Variants in ANXA7 observed in about 807,000 individuals in gnomAD.
ANXA7 encodes annexin VII.
ANXA7 carries 55 observed loss-of-function variants against 64.9 expected under a neutral mutation model. The observed-to-expected ratio is 0.85, with a 90% CI of 0.68 to 1.06. ANXA7 has a LOEUF of 1.06. Among genes scored for constraint, ANXA7 ranks in the 50% least tolerant of loss-of-function variants. The pLI is 0.00. For synonymous variants in ANXA7, 200 were observed against 192.4 expected (o/e 1.04, Z -0.33); for missense variants, 548 against 582.1 (o/e 0.94, Z 0.60).
chr10:73,378,413 T>C (rs2132649210), intron 12 of ANXA7, among the ~76,000 whole-genome samples: 1 of 151,096 alleles, frequency 6.6e-6, no homozygotes, highest in Non-Finnish European at 1.5e-5. Context: ...TCAAATGTCA[T>C]TTCTTCTGAG....
Position 73,402,826 on chromosome 10 carries a change from TTTC to T in ANXA7, c.-1-1972_-1-1970del, listed in dbSNP as rs2055689043. On this transcript the variant is annotated intron_variant, in intron 1 of 12. Coordinates refer to ENST00000372921, the MANE Select transcript of ANXA7 (RefSeq NM_001156.5). ...ATTCCATTCTTACATAAAAACTCTG[TTTC>T]TTTTTTTTTTTTTGAGTCGGAGTCT... 2.1e-5 allele frequency among the ~76,000 whole-genome samples: 3 copies of T among 146,282 alleles called. No homozygotes were observed. The South Asian group carries it at 6.6e-4, about 32-fold the overall frequency.
At chr10:73,378,149 T>C (rs1212995607) in intron 12 of ANXA7, among the ~76,000 whole-genome samples, 2 of 151,380 alleles carry the variant, frequency 1.3e-5, no homozygotes, top group Admixed American at 6.6e-5. Context: ...CCGAGGCAGG[T>C]GGATCACTTG....
chr10:73,395,253 A>T (rs2132678505), intron 5 of ANXA7, among the ~76,000 whole-genome samples: 1 of 152,192 alleles, frequency 6.6e-6, no homozygotes, highest in East Asian at 1.9e-4. Flanking sequence ...ACCTCAAATC[A>T]GGAAAGTGAG....
At chr10:73,384,127 A>AT (rs2055324303) in intron 7 of ANXA7, among the ~76,000 whole-genome samples, 6 of 152,078 alleles carry the variant, frequency 3.9e-5, no homozygotes, top group African/African-American at 1.4e-4. Flanking sequence ...TCTCAAAAAA[A>AT]AAAATAAATA....
intron 2 of ANXA7, 52 bp from the exon 3 acceptor site, chr10:73,398,437 C>T: frequency 6.7e-7 from 1 of 1,493,602 alleles, no homozygotes; most frequent in Non-Finnish European, 9.2e-7. Context: ...GAAATATGAC[C>T]CATCTAAAAA....
chr10:73,381,033 CTGAGTA>C (rs1174927993), intron 9 of ANXA7, among the ~76,000 whole-genome samples: 3 of 151,842 alleles, frequency 2.0e-5, no homozygotes, highest in Admixed American at 2.0e-4. Context: ...TTTTCTTCAT[CTGAGTA>C]TAATATTTTT....
intron 12 of ANXA7, among the ~76,000 whole-genome samples, chr10:73,378,237 G>A (rs1373237823): frequency 6.6e-6 from 1 of 151,804 alleles, no homozygotes. Context: ...ACTTAGCTGG[G>A]CATGGTGGCG....
intron 5 of ANXA7, among the ~76,000 whole-genome samples, chr10:73,391,828 G>T (rs1332939153): frequency 1.3e-5 from 2 of 152,018 alleles, no homozygotes; most frequent in East Asian, 1.9e-4. Flanking sequence ...CCCCTCACAG[G>T]GTAGCCTATT....
chr10:73,378,892 A>T lies in ANXA7; in HGVS notation c.1278+19T>A, dbSNP rs2055228549. ...GAACATCAAGTAAGACCCGACAAAA[A>T]GAGAGAGGCCTGCCTCACCTCACTT... On this transcript the variant is annotated intron_variant, in intron 12 of 12. Transcript: ENST00000372921. 2 of 1,580,820 alleles carry T rather than the reference A, an allele frequency of 1.3e-6. No individual in the cohort carries two copies. Among genetic ancestry groups the T allele is most frequent in the African/African-American group, 2.7e-5 (2 of 74,170 alleles).
intron 1 of ANXA7, among the ~76,000 whole-genome samples, chr10:73,407,311 A>G (rs2055772939): frequency 6.6e-6 from 1 of 152,126 alleles, no homozygotes; most frequent in Non-Finnish European, 1.5e-5. Context: ...TCCTGACCCC[A>G]AGTGATCTGC....
rs528856524 is a variant in ANXA7 at position 73,394,023 on chromosome 10, AAAC to A, written c.435+2493_435+2495del. Among the ~76,000 whole-genome samples the A allele has an allele frequency of 9.8e-4, 150 of 152,340 alleles. 3 individuals are homozygous for A. The South Asian group carries it at 0.03, about 30-fold the overall frequency. On this transcript the variant is annotated intron_variant, in intron 5 of 12. Transcript: ENST00000372921. ...TAAACAAATTTACAAGAAAAAAATC[AAAC>A]AACCCCATCAAAAAGTGGGCAAAGG...
chr10:73,378,742 C>T (rs2055226111), intron 12 of ANXA7, among the ~76,000 whole-genome samples, 169 bp downstream of exon 12: 1 of 152,072 alleles, frequency 6.6e-6, no homozygotes, highest in Admixed American at 6.5e-5. Flanking sequence ...CAAGCTTCTC[C>T]CACAGCATGA....
In ANXA7 at chr10:73,375,951, A is replaced by AC; in HGVS notation, c.*143_*144insG. The AC allele has an allele frequency of 1.7e-6, 1 of 589,796 alleles. No homozygotes were observed. The highest frequency in any genetic ancestry group is 2.7e-6 in the Non-Finnish European group (1 of 372,662). 36.5% of individuals were successfully genotyped at this position (589,796 alleles called of 1,614,324 possible). ...GAATTAAGGCAATAACAACATGTGC[A>AC]AACCAAGCACATTACCCTGATACGG... On this transcript the variant is annotated 3_prime_UTR_variant, in exon 13 of 13. Coordinates refer to ENST00000372921, the MANE Select transcript of ANXA7 (RefSeq NM_001156.5).
At chr10:73,391,837 T>A (rs2055488203) in intron 5 of ANXA7, among the ~76,000 whole-genome samples, 1 of 152,166 alleles carries the variant, frequency 6.6e-6, no homozygotes, top group Non-Finnish European at 1.5e-5. Context: ...GGGTAGCCTA[T>A]TTCACTTCCA....
At position 73,393,620 on chromosome 10, in the gene ANXA7, A is replaced by G. The variant is rs1450586905; in HGVS notation, c.435+2899T>C. ...ACAAGAAATGGGGAAAGGATTCCCT[A>G]TTTAATAAATGGTGCTGGGAAAACT... is the stretch of plus-strand genomic sequence containing the variant. On this transcript the variant is annotated intron_variant, in intron 5 of 12. Coordinates refer to ENST00000372921, the MANE Select transcript of ANXA7 (RefSeq NM_001156.5). 2.0e-5 allele frequency among the ~76,000 whole-genome samples: 3 copies of G among 152,312 alleles called. No individual in the cohort carries two copies. The East Asian group carries it at 5.8e-4, about 29-fold the overall frequency.
Position 73,375,910 on chromosome 10 carries a change from G to T in ANXA7, c.*185C>A. On this transcript the variant is annotated 3_prime_UTR_variant, in exon 13 of 13. Coordinates refer to ENST00000372921, the MANE Select transcript of ANXA7 (RefSeq NM_001156.5). The stretch of plus-strand genomic sequence containing the variant: ...TGGCTTTACATTGATTGTATGTAGA[G>T]AACAAAATAAAATTAGAATTAAGGC... 1 of 437,212 alleles carries T rather than the reference G, an allele frequency of 2.3e-6. No individual in the cohort carries two copies. The highest frequency in any genetic ancestry group is 4.0e-6 in the Non-Finnish European group (1 of 251,492). 27.1% of individuals were successfully genotyped at this position (437,212 alleles called of 1,614,324 possible).
chr10:73,397,382 A>AGCAT, intron 3 of ANXA7, 108 bp from the exon 4 acceptor site: 25 of 484,834 alleles, frequency 5.2e-5, no homozygotes, highest in Non-Finnish European at 8.6e-5. Flanking sequence ...TATTAATGCT[A>AGCAT]TAATAGCAGT....
At position 73,400,806 on chromosome 10, in the gene ANXA7, A is replaced by G. The variant is rs761038536; in HGVS notation, c.51T>C (p.Tyr17=). 6.2e-7 allele frequency: 1 copy of G among 1,605,356 alleles called. No individual in the cohort carries two copies. Among genetic ancestry groups the G allele is most frequent in the Admixed American group, 1.7e-5 (1 of 59,122 alleles). The change falls in exon 2 of 13, where the codon TAT becomes TAC. Residue 17 remains tyrosine (Y), a synonymous_variant. Transcript: ENST00000372921. ...PPTGYPPFPG[Y]PPAGQESSFP... is the part of the protein sequence containing the mutation. ...GGTATTAAGTGGCAATACTTACAGG[A>G]TATCCAGGGAAAGGTGGGTAGCCTG...
Position 73,400,963 on chromosome 10 carries a change from G to A in ANXA7, c.-1-106C>T, listed in dbSNP as rs957336892. 2.1e-5 allele frequency: 19 copies of A among 918,450 alleles called. No individual in the cohort carries two copies. The African/African-American group carries it at 3.0e-4, about 14-fold the overall frequency. The allele number at this position is 918,450 out of a possible 1,614,324, so 56.9% of individuals were successfully genotyped here. On this transcript the variant is annotated intron_variant, in intron 1 of 12. Transcript: ENST00000372921. ...CACTCTGTCACCAGGTTGGAGTGCA[G>A]TGGCGTGATTTTGGCTCACTGCAAC...
Sources: allele counts gnomAD v4.1 joint callset (sites outside exome capture counted in the v4.1 genomes callset), GRCh38; gene constraint gnomAD v4.1.1; transcripts MANE v1.5; gene names NCBI Gene and HGNC (gene_info 2026-07-23, HGNC 2026-07-21).